Variants in TMEM200A observed in about 807,000 individuals in gnomAD.
TMEM200A encodes transmembrane protein 200A.
In TMEM200A, 12 loss-of-function variants were observed where a neutral mutation model predicts 24.3. That is an observed-to-expected ratio of 0.49 (90% CI 0.32 to 0.80). The LOEUF is 0.80. TMEM200A is among the 30% of genes least tolerant of loss of function. The probability of loss-of-function intolerance (pLI) is 0.04; values close to 1 mark genes in which losing one functional copy is unlikely to be tolerated. For missense variants in TMEM200A, 545 were observed against 614.4 expected (o/e 0.89, Z 1.19); for synonymous variants, 224 against 224.4 (o/e 1.00, Z 0.02).
At chr6:130,380,554 CTT>C (rs2115087561) in intron 1 of TMEM200A, among the ~76,000 whole-genome samples, 1 of 152,214 alleles carries the variant, frequency 6.6e-6, no homozygotes, top group African/African-American at 2.4e-5. Flanking sequence ...GAAAAGACAA[CTT>C]TTATTGGAGG....
At chr6:130,403,568 A>G (rs1160218471) in intron 2 of TMEM200A, among the ~76,000 whole-genome samples, 1 of 129,956 alleles carries the variant, frequency 7.7e-6, no homozygotes, top group Non-Finnish European at 1.5e-5. Context: ...GTATTTTTAC[A>G]GTGAAAAAAG....
intron 2 of TMEM200A, among the ~76,000 whole-genome samples, chr6:130,422,093 G>A (rs546873838): frequency 2.6e-5 from 4 of 152,200 alleles, no homozygotes; most frequent in South Asian, 2.1e-4. Flanking sequence ...TTGCTGGATC[G>A]TATGGTAGTC....
chr6:130,365,661 C>T (rs1778117417), upstream of TMEM200A: 1 of 985,452 alleles, frequency 1.0e-6, no homozygotes, highest in Non-Finnish European at 1.2e-6. Flanking sequence ...GCGGGCCCCA[C>T]GGGTGGGTGT....
chr6:130,392,835 C>T (rs952679363), intron 2 of TMEM200A, among the ~76,000 whole-genome samples: 12 of 152,208 alleles, frequency 7.9e-5, no homozygotes, highest in African/African-American at 2.4e-4. Context: ...CTAGCACTTA[C>T]GATGCATAAC....
chr6:130,402,941 C>G (rs1179477055), intron 2 of TMEM200A, among the ~76,000 whole-genome samples: 1 of 152,046 alleles, frequency 6.6e-6, no homozygotes, highest in East Asian at 1.9e-4. Context: ...ATCTCCATCT[C>G]TTTTCTTTAT....
chr6:130,394,223 G>C (rs1778898564), intron 2 of TMEM200A, among the ~76,000 whole-genome samples: 1 of 152,190 alleles, frequency 6.6e-6, no homozygotes, highest in Non-Finnish European at 1.5e-5. Flanking sequence ...CCAGCCTAGA[G>C]TCTGTAAGCC....
chr6:130,384,572 A>G (rs1288168228), intron 1 of TMEM200A, among the ~76,000 whole-genome samples: 1 of 152,120 alleles, frequency 6.6e-6, no homozygotes, highest in African/African-American at 2.4e-5. Flanking sequence ...TTGGCCTTCC[A>G]AAGTGCTGCA....
In TMEM200A at chr6:130,440,627, G is replaced by A. The variant is rs1189383965; in HGVS notation, c.205G>A (p.Val69Met). ...ATCTGGTTTTTTTCTTATTTTAGGAGTGCTCATCTCCATTATAGGAATTGC... is the reference window on the plus strand; with the variant it reads ...ATCTGGTTTTTTTCTTATTTTAGGAATGCTCATCTCCATTATAGGAATTGC... ...SPSGFFLILG[V>M]LISIIGIAMA... The change falls in exon 3 of 3, where the codon GTG becomes ATG. Residue 69 changes from valine to methionine, a missense_variant. Physicochemically the swap from Val to Met is conservative, Grantham distance 21. Coordinates refer to ENST00000296978, the MANE Select transcript of TMEM200A (RefSeq NM_001258277.2). 1.2e-6 allele frequency: 2 copies of A among 1,613,718 alleles called. No homozygotes were observed. The highest frequency in any genetic ancestry group is 1.3e-5 in the African/African-American group (1 of 74,896).
At position 130,366,659 on chromosome 6, in the gene TMEM200A, C is replaced by A. The variant is rs1778160201; in HGVS notation, c.-81+135C>A. On this transcript the variant is annotated intron_variant, in intron 1 of 2. Coordinates refer to ENST00000296978, the MANE Select transcript of TMEM200A (RefSeq NM_001258277.2). The surrounding 1 kb of genome is among the most constrained non-coding windows in gnomAD (Gnocchi z 4.4). ...GCCTCCAGAGTTAGGTAAACGCTGTCTCTCCTAAAGTTTGGGAAATAAACC... is the reference window on the plus strand; with the variant it reads ...GCCTCCAGAGTTAGGTAAACGCTGTATCTCCTAAAGTTTGGGAAATAAACC... 1.3e-6 allele frequency: 1 copy of A among 798,128 alleles called. No homozygotes were observed. Among genetic ancestry groups the A allele is most frequent in the African/African-American group, 1.9e-5 (1 of 53,622 alleles). The allele number at this position is 798,128 out of a possible 1,614,324, so 49.4% of individuals were successfully genotyped here. A position where few individuals can be genotyped will look rare whatever the true frequency, so the allele number is the denominator to read the frequency against.
At chr6:130,411,678 C>G (rs1583208343) in intron 2 of TMEM200A, among the ~76,000 whole-genome samples, 1 of 152,112 alleles carries the variant, frequency 6.6e-6, no homozygotes, top group African/African-American at 2.4e-5. Flanking sequence ...TAGAGTGTCT[C>G]CTAAGGTTGG....
chr6:130,388,973 G>A (rs1383428470), intron 2 of TMEM200A, among the ~76,000 whole-genome samples: 5 of 152,010 alleles, frequency 3.3e-5, no homozygotes, highest in African/African-American at 1.2e-4. Context: ...ATAGATATGA[G>A]ATAAAATAAA....
intron 2 of TMEM200A, among the ~76,000 whole-genome samples, chr6:130,418,530 A>T (rs1187617784): frequency 6.6e-6 from 1 of 152,162 alleles, no homozygotes; most frequent in Non-Finnish European, 1.5e-5. Context: ...GAGGATAAAT[A>T]TTCCCACTTT....
intron 2 of TMEM200A, among the ~76,000 whole-genome samples, chr6:130,392,671 C>T (rs955008257): frequency 6.6e-6 from 1 of 152,112 alleles, no homozygotes; most frequent in Non-Finnish European, 1.5e-5. Flanking sequence ...TTTTTCTTCT[C>T]TTTTCTTTGT....
chr6:130,387,235 T>G (rs377475318), intron 2 of TMEM200A, among the ~76,000 whole-genome samples: 5 of 152,322 alleles, frequency 3.3e-5, no homozygotes. Context: ...CTATAATTTC[T>G]TTGTAGCAGA....
intron 2 of TMEM200A, among the ~76,000 whole-genome samples, chr6:130,400,259 A>T (rs983822064): frequency 1.3e-5 from 2 of 152,082 alleles, no homozygotes; most frequent in African/African-American, 4.8e-5. Context: ...CTCTGGGTAG[A>T]TACCCACTAG....
At chr6:130,381,899 T>C (rs1684027158) in intron 1 of TMEM200A, 1 of 985,220 alleles carries the variant, frequency 1.0e-6, no homozygotes, top group African/African-American at 1.7e-5. Context: ...TTAACCGACC[T>C]GTCTGCAGCT....
At chr6:130,423,043 A>G (rs1779640311) in intron 2 of TMEM200A, among the ~76,000 whole-genome samples, 1 of 152,234 alleles carries the variant, frequency 6.6e-6, no homozygotes, top group Admixed American at 6.5e-5. Flanking sequence ...TAGAATAAAG[A>G]TGTATGTGAC....
intron 2 of TMEM200A, among the ~76,000 whole-genome samples, chr6:130,406,656 G>C (rs1779216083): frequency 6.6e-6 from 1 of 152,160 alleles, no homozygotes; most frequent in Non-Finnish European, 1.5e-5. Flanking sequence ...GCAAATGAAA[G>C]AACTTTACTT....
intron 2 of TMEM200A, among the ~76,000 whole-genome samples, chr6:130,439,642 G>A (rs1485471848): frequency 6.6e-6 from 1 of 152,174 alleles, no homozygotes; most frequent in Non-Finnish European, 1.5e-5. Context: ...TGCCAAGGGA[G>A]AGTATGGAAG....
Sources: allele counts gnomAD v4.1 joint callset (sites outside exome capture counted in the v4.1 genomes callset), GRCh38; gene constraint gnomAD v4.1.1; non-coding constraint Gnocchi (gnomAD v3.1); transcripts MANE v1.5; gene names NCBI Gene and HGNC (gene_info 2026-07-23, HGNC 2026-07-21).